SEMA3A: variants seen among roughly 807,000 people sequenced by gnomAD.
SEMA3A encodes the protein semaphorin-3A.
A neutral mutation model predicts 97.9 loss-of-function variants in SEMA3A; 29 were observed. The ratio of observed to expected loss-of-function variants is 0.30; its 90% CI spans 0.22 to 0.40. The LOEUF is 0.40. Ranked by LOEUF, SEMA3A falls within the 10% of genes least tolerant of loss-of-function variation. The pLI, the probability that SEMA3A is intolerant of heterozygous loss-of-function variation, is 1.00. For synonymous variants in SEMA3A, 321 were observed against 323.7 expected, an observed-to-expected ratio of 0.99 and a Z score of 0.09; for missense variants, 763 against 951.3, an observed-to-expected ratio of 0.80 and a Z score of 2.60.
intron 3 of SEMA3A, among the ~76,000 whole-genome samples, chr7:84,252,874 T>TTTTTA (rs976873449): frequency 4.6e-5 from 7 of 152,048 alleles, no homozygotes; most frequent in Admixed American, 2.6e-4. Flanking sequence ...CTTATCTTTA[T>TTTTTA]TTTTATTTTA....
intron 1 of SEMA3A, among the ~76,000 whole-genome samples, chr7:84,191,683 T>C (rs1186836227): frequency 6.6e-6 from 1 of 151,902 alleles, no homozygotes; most frequent in African/African-American, 2.4e-5. Context: ...ATTACATATA[T>C]TTAAAGAAGA....
intron 3 of SEMA3A, among the ~76,000 whole-genome samples, chr7:84,211,225 G>T (rs1308687684): frequency 6.6e-6 from 1 of 152,168 alleles, no homozygotes; most frequent in Admixed American, 6.5e-5. Context: ...TGAATATGAA[G>T]AGAGAAGGCA....
chr7:84,118,788 TACA>T (rs945368217), intron 3 of SEMA3A, among the ~76,000 whole-genome samples: 50 of 152,228 alleles, frequency 3.3e-4, no homozygotes, highest in Non-Finnish European at 3.5e-4. Context: ...TGTAGTTACC[TACA>T]ACAACTTCAC....
intron 1 of SEMA3A, among the ~76,000 whole-genome samples, chr7:84,374,158 G>T (rs1051523897): frequency 2.0e-5 from 3 of 152,144 alleles, no homozygotes; most frequent in Non-Finnish European, 4.4e-5. Flanking sequence ...GACACTGCAT[G>T]TCAATGAGAA....
chr7:84,008,258 A>G (rs146267444), intron 9 of SEMA3A, among the ~76,000 whole-genome samples: 1,985 of 152,240 alleles, frequency 0.013, 45 homozygotes, highest in African/African-American at 0.045. Flanking sequence ...TTGGGAGGCC[A>G]AGGCGGGCGG....
At chr7:84,233,857 C>T (rs1365297683) in intron 3 of SEMA3A, among the ~76,000 whole-genome samples, 1 of 151,870 alleles carries the variant, frequency 6.6e-6, no homozygotes, top group Non-Finnish European at 1.5e-5. Flanking sequence ...TTTGGTGAAG[C>T]GTAGAGCCCT....
chr7:84,068,755 C>T (rs1232445933), intron 4 of SEMA3A, among the ~76,000 whole-genome samples: 1 of 151,992 alleles, frequency 6.6e-6, no homozygotes, highest in Non-Finnish European at 1.5e-5. Flanking sequence ...GAAGTGCTTC[C>T]AATTTCATGC....
rs1450104598 is a variant in SEMA3A, at chr7:83,958,525, T to C, written c.*2846A>G. ...CATGCTTATTGAACGGGCACGCACCTTCCGCCCTTAAATAGTACATAAACC... is the reference window on the plus strand; with the variant it reads ...CATGCTTATTGAACGGGCACGCACCCTCCGCCCTTAAATAGTACATAAACC... On this transcript the variant is annotated 3_prime_UTR_variant, in exon 17 of 17. Coordinates refer to ENST00000265362, the MANE Select transcript of SEMA3A (RefSeq NM_006080.3). The C allele has an allele frequency of 6.6e-6, 1 of 152,458 alleles. No homozygotes were observed. Among genetic ancestry groups the C allele is most frequent in the Non-Finnish European group, 1.5e-5 (1 of 67,944 alleles). 9.4% of individuals were successfully genotyped at this position (152,458 alleles called of 1,614,324 possible). A position where few individuals can be genotyped will look rare whatever the true frequency, so the allele number is the denominator to read the frequency against.
At chr7:84,492,674 G>C (rs1806764502) in exon 1 of SEMA3A, 1 of 151,718 alleles carries the variant, frequency 6.6e-6, no homozygotes, top group African/African-American at 2.4e-5. Context: ...TATTACCCCT[G>C]AGGCTCTACC....
intron 13 of SEMA3A, among the ~76,000 whole-genome samples, chr7:83,982,426 T>C (rs570111636): frequency 6.6e-6 from 1 of 152,342 alleles, no homozygotes; most frequent in Non-Finnish European, 1.5e-5. Flanking sequence ...TTAACAAAGT[T>C]GAGCCAATGT....
intron 3 of SEMA3A, among the ~76,000 whole-genome samples, chr7:84,289,623 A>T (rs1800691176): frequency 6.6e-6 from 1 of 152,098 alleles, no homozygotes; most frequent in Non-Finnish European, 1.5e-5. Flanking sequence ...TATAATGACA[A>T]ATGTTAGCAA....
chr7:84,248,245 TTAG>T (rs1311825016), intron 3 of SEMA3A, among the ~76,000 whole-genome samples: 49 of 152,354 alleles, frequency 3.2e-4, no homozygotes, highest in African/African-American at 1.2e-3. Flanking sequence ...CAAATAACTT[TTAG>T]CTTGTCCTTT....
At chr7:84,268,141 A>G (rs534186953) in intron 3 of SEMA3A, among the ~76,000 whole-genome samples, 2 of 152,204 alleles carry the variant, frequency 1.3e-5, no homozygotes, top group Non-Finnish European at 1.5e-5. Context: ...GCTGCATGTC[A>G]TTAAACAATG....
chr7:84,404,423 G>C (rs1584296341), intron 1 of SEMA3A, among the ~76,000 whole-genome samples: 1 of 152,200 alleles, frequency 6.6e-6, no homozygotes, highest in Admixed American at 6.5e-5. Context: ...TCTAATTGGT[G>C]TACCTGAAAG....
At chr7:84,014,415 G>C (rs1791010017) in intron 6 of SEMA3A, 64 bp from the exon 7 acceptor site, 1 of 1,316,292 alleles carries the variant, frequency 7.6e-7, no homozygotes, top group Non-Finnish European at 1.0e-6. Context: ...ATTCTGAACA[G>C]TCCATTTTTA....
intron 1 of SEMA3A, among the ~76,000 whole-genome samples, chr7:84,192,971 G>A (rs1034564856): frequency 1.3e-5 from 2 of 151,694 alleles, no homozygotes; most frequent in Non-Finnish European, 3.0e-5. Context: ...AAGCAAAACT[G>A]ATAAAAACAC....
At chr7:84,174,069 C>T (rs938494154) in intron 1 of SEMA3A, among the ~76,000 whole-genome samples, 1 of 151,986 alleles carries the variant, frequency 6.6e-6, no homozygotes, top group Non-Finnish European at 1.5e-5. Context: ...TGCTTGCAGG[C>T]TCATATTGAA....
chr7:84,428,938 A>G (rs1804897679), intron 1 of SEMA3A, among the ~76,000 whole-genome samples: 1 of 152,072 alleles, frequency 6.6e-6, no homozygotes, highest in African/African-American at 2.4e-5. Flanking sequence ...AAAAATCTCT[A>G]TAAGAAGCTA....
At position 84,285,429 on chromosome 7, in the gene SEMA3A, A is replaced by G. The variant is rs558466555; in HGVS notation, c.-83+21778T>C. Among the ~76,000 whole-genome samples the G allele has an allele frequency of 2.0e-5, 3 of 152,308 alleles. No individual in the cohort carries two copies. In the South Asian group the frequency reaches 6.2e-4, roughly 32 times the overall value. ...CCATGCGAAATTTAATTTTTAAAACATGCAGTTATGGCAGTAGGAATTAAT... is the reference window on the plus strand; with the variant it reads ...CCATGCGAAATTTAATTTTTAAAACGTGCAGTTATGGCAGTAGGAATTAAT... On this transcript the variant is annotated intron_variant, in intron 3 of 3. Coordinates refer to the SEMA3A transcript ENST00000424555.
Sources: allele counts gnomAD v4.1 joint callset (sites outside exome capture counted in the v4.1 genomes callset), GRCh38; gene constraint gnomAD v4.1.1; transcripts MANE v1.5; gene names NCBI Gene and HGNC (gene_info 2026-07-23, HGNC 2026-07-21).